The following MYO7B variants were observed in gnomAD, a reference collection of about 807,000 sequenced individuals.
MYO7B encodes unconventional myosin-VIIb.
MYO7B carries 212 observed loss-of-function variants against 259.7 expected under a neutral mutation model. That is an observed-to-expected ratio of 0.82 (90% CI 0.73 to 0.91). The LOEUF (loss-of-function observed/expected upper bound fraction) is 0.91. Ranked by LOEUF, MYO7B falls within the 40% of genes least tolerant of loss-of-function variation. MYO7B has a pLI of 0.00. For synonymous variants in MYO7B, 1,197 were observed against 1,166.4 expected, an observed-to-expected ratio of 1.03 and a Z score of -0.54; for missense variants, 2,732 against 2,813.5, an observed-to-expected ratio of 0.97 and a Z score of 0.66.
chr2:127,626,852 T>C (rs1251630989), intron 31 of MYO7B, 123 bp from the exon 32 acceptor site: 1 of 891,252 alleles, frequency 1.1e-6, no homozygotes, highest in Non-Finnish European at 1.7e-6. Context: ...AGGATCCATC[T>C]CCAGACACTG....
intron 26 of MYO7B, among the ~76,000 whole-genome samples, chr2:127,612,826 T>C (rs1044735844): frequency 6.6e-6 from 1 of 152,226 alleles, no homozygotes; most frequent in African/African-American, 2.4e-5. Context: ...AAAAGAGTCA[T>C]CATGGACCAG....
At chr2:127,605,239 T>G (rs1481438659) in intron 19 of MYO7B, among the ~76,000 whole-genome samples, 2 of 152,160 alleles carry the variant, frequency 1.3e-5, no homozygotes, top group Non-Finnish European at 2.9e-5. Flanking sequence ...GGAAGTAAGT[T>G]TTATCCTTTT....
chr2:127,624,405 C>A, intron 30 of MYO7B, 85 bp downstream of exon 30: 1 of 1,286,874 alleles, frequency 7.8e-7, no homozygotes, highest in Non-Finnish European at 1.1e-6. Flanking sequence ...GCTTCTGAGG[C>A]CAGGTAGAAG....
rs772011705 is a variant in MYO7B at position 127,631,177 on chromosome 2, A to G, written c.4938-29A>G. 6 of 1,566,790 alleles carry G rather than the reference A, an allele frequency of 3.8e-6. No homozygotes were observed. In the African/African-American group the frequency reaches 6.7e-5, roughly 18 times the overall value. Reference sequence around the variant, plus strand: ...CGTGGGACAGAGAAGGCCACAGGGCAGGCCTCACACCAGCCTCTAACCTCA... The same window carrying G: ...CGTGGGACAGAGAAGGCCACAGGGCGGGCCTCACACCAGCCTCTAACCTCA... On this transcript the variant is annotated intron_variant, in intron 36 of 47. Transcript: ENST00000409816.
chr2:127,629,462 C>T (rs1366036697), intron 34 of MYO7B, among the ~76,000 whole-genome samples, 183 bp from the exon 35 acceptor site: 1 of 152,184 alleles, frequency 6.6e-6, no homozygotes, highest in African/African-American at 2.4e-5. Flanking sequence ...TGTGCAGCTG[C>T]AGCAGGTGAC....
chr2:127,565,475 C>T, intron 4 of MYO7B, 90 bp downstream of exon 4: 2 of 1,500,690 alleles, frequency 1.3e-6, no homozygotes, highest in Non-Finnish European at 9.1e-7. Context: ...ACAGGGGGCA[C>T]TGCCCCCCAT....
At chr2:127,620,496 AG>A in intron 27 of MYO7B, 30 bp downstream of exon 27, 3 of 519,426 alleles carry the variant, frequency 5.8e-6, no homozygotes, top group Non-Finnish European at 7.0e-6. Context: ...GAGGGCGGGC[AG>A]GGGGCAGGTT....
chr2:127,592,690 A>T, intron 16 of MYO7B, 104 bp from the exon 17 acceptor site: 7 of 1,463,346 alleles, frequency 4.8e-6, no homozygotes, highest in Non-Finnish European at 5.5e-6. Context: ...GGCTGGACAC[A>T]CTGACCTCTG....
Position 127,588,380 on chromosome 2 carries a change from G to A in MYO7B, c.1691-12G>A, listed in dbSNP as rs747051365. 6.2e-5 allele frequency: 100 copies of A among 1,611,766 alleles called. No homozygotes were observed. The highest frequency in any genetic ancestry group is 3.6e-5 in the Non-Finnish European group (42 of 1,179,434). ...TAAGCTGGGATGCTGGGTGGGCCCT[G>A]TGTCTCCACAGGCTTCCTGGAGAAG... On this transcript the variant is annotated splice_polypyrimidine_tract_variant and intron_variant, in intron 14 of 47. Transcript: ENST00000409816.
At chr2:127,578,544 C>T (rs1678976729) in intron 9 of MYO7B, among the ~76,000 whole-genome samples, 1 of 152,170 alleles carries the variant, frequency 6.6e-6, no homozygotes, top group East Asian at 1.9e-4. Flanking sequence ...GGGCTTCCCC[C>T]TTAAGGTTCA....
At chr2:127,556,969 A>G (rs1282175443) in intron 1 of MYO7B, among the ~76,000 whole-genome samples, 1 of 152,200 alleles carries the variant, frequency 6.6e-6, no homozygotes, top group African/African-American at 2.4e-5. Flanking sequence ...TTCTTCCCCA[A>G]AAAATGTGTT....
Position 127,615,889 on chromosome 2 carries a change from C to T in MYO7B, c.3398+3286C>T, listed in dbSNP as rs1205831074. ...CAGCTGGTACTGGGGGAACCAGGCC[C>T]GTGGTTGGGATCCACAGGTCCCTCC... On this transcript the variant is annotated intron_variant, in intron 26 of 47. Transcript: ENST00000409816. The surrounding 1 kb of genome is among the most constrained non-coding windows in gnomAD (Gnocchi z 4.4). Among the ~76,000 whole-genome samples, 1 of 152,218 alleles carries T rather than the reference C, an allele frequency of 6.6e-6. No individual in the cohort carries two copies. Among genetic ancestry groups the T allele is most frequent in the Non-Finnish European group, 1.5e-5 (1 of 68,046 alleles).
chr2:127,553,859 A>G (rs1693541804), intron 1 of MYO7B, among the ~76,000 whole-genome samples: 1 of 152,112 alleles, frequency 6.6e-6, no homozygotes, highest in Admixed American at 6.6e-5. Flanking sequence ...AATGCTTTCA[A>G]CTTTTCCCCA....
At position 127,628,488 on chromosome 2, in the gene MYO7B, A is replaced by C. The variant is rs1339237216; in HGVS notation, c.4577A>C (p.Lys1526Thr). 1 of 1,491,626 alleles carries C rather than the reference A, an allele frequency of 6.7e-7. No individual in the cohort carries two copies. Among genetic ancestry groups the C allele is most frequent in the South Asian group, 1.2e-5 (1 of 83,604 alleles). 92.4% of individuals were successfully genotyped at this position (1,491,626 alleles called of 1,614,324 possible). A position where few individuals can be genotyped will look rare whatever the true frequency, so the allele number is the denominator to read the frequency against. Reference protein sequence around the residue: ...ELVALFLEGLKERSIFAMALQ... With the variant: ...ELVALFLEGLTERSIFAMALQ... ...GTGGCCCTGTTCCTGGAGGGCCTGA[A>C]GGAGAGGTCCATTTTCGCCATGGCC... The change falls in exon 34 of 48, where the codon AAG becomes ACG. Residue 1526 changes from lysine to threonine, a missense_variant. By Grantham distance (78) the Lys-to-Thr change is moderately conservative (BLOSUM62 -1). Transcript: ENST00000409816. The surrounding 1 kb of genome is among the most constrained non-coding windows in gnomAD (Gnocchi z 4.8).
Position 127,634,586 on chromosome 2 carries a change from C to T in MYO7B, c.5626-10C>T. ...GCCACCCAACTTCCCTGTACCTTCC[C>T]CTTCCCCAGGTCATCAGCCAGAAGG... On this transcript the variant is annotated splice_polypyrimidine_tract_variant and intron_variant, in intron 41 of 47. Transcript: ENST00000409816. 6.2e-7 allele frequency: 1 copy of T among 1,608,548 alleles called. No homozygotes were observed. Among genetic ancestry groups the T allele is most frequent in the Non-Finnish European group, 8.5e-7 (1 of 1,177,448 alleles).
rs1429246884 is a variant in MYO7B at position 127,539,813 on chromosome 2, CT to C, written c.-24+3986del. 6.6e-6 allele frequency among the ~76,000 whole-genome samples: 1 copy of C among 152,172 alleles called. No homozygotes were observed. Among genetic ancestry groups the C allele is most frequent in the Non-Finnish European group, 1.5e-5 (1 of 68,032 alleles). On this transcript the variant is annotated intron_variant, in intron 1 of 47. Coordinates refer to ENST00000409816, the MANE Select transcript of MYO7B (RefSeq NM_001393586.1). The surrounding 1 kb of genome is among the most constrained non-coding windows in gnomAD (Gnocchi z 4.0). ...GTGTACACTGCACCCAATGTGTAGT[CT>C]TTTGTTGCTCACCCAGCTCCAGCCT...
At chr2:127,635,273 C>A in intron 43 of MYO7B, 47 bp downstream of exon 43, 1 of 1,530,570 alleles carries the variant, frequency 6.5e-7, no homozygotes, top group Non-Finnish European at 9.0e-7. Flanking sequence ...CCCCCATCTT[C>A]CCACACCTGT....
At position 127,582,290 on chromosome 2, in the gene MYO7B, C is replaced by G. The variant is rs1188576581; in HGVS notation, c.1201-14C>G. ...CTCCAAGCCCAGGATTCTCCCACCCCCGTGTCTCTCCAGGGCATCTATGGG... is the reference window on the plus strand; with the variant it reads ...CTCCAAGCCCAGGATTCTCCCACCCGCGTGTCTCTCCAGGGCATCTATGGG... On this transcript the variant is annotated splice_polypyrimidine_tract_variant and intron_variant, in intron 11 of 47. Coordinates refer to ENST00000409816, the MANE Select transcript of MYO7B (RefSeq NM_001393586.1). 1 of 1,612,078 alleles carries G rather than the reference C, an allele frequency of 6.2e-7. No individual in the cohort carries two copies. The highest frequency in any genetic ancestry group is 2.2e-5 in the East Asian group (1 of 44,832).
In MYO7B at chr2:127,635,703, C is replaced by T; in HGVS notation, c.5821-19C>T. The T allele has an allele frequency of 1.9e-6, 3 of 1,588,740 alleles. No homozygotes were observed. The highest frequency in any genetic ancestry group is 2.6e-6 in the Non-Finnish European group (3 of 1,167,768). ...GCCGCAGCTGGAGACCCAGCATGCCCAGTGTGTCCATCACCCAGGAGCTGC... is the reference window on the plus strand; with the variant it reads ...GCCGCAGCTGGAGACCCAGCATGCCTAGTGTGTCCATCACCCAGGAGCTGC... On this transcript the variant is annotated intron_variant, in intron 43 of 47. Transcript: ENST00000409816.
Sources: gnomAD v4.1 joint callset for allele counts (sites outside exome capture counted in the v4.1 genomes callset) on GRCh38, gnomAD v4.1.1 for gene constraint, Gnocchi (gnomAD v3.1) non-coding constraint, MANE v1.5 for transcripts, NCBI Gene and HGNC (gene_info 2026-07-23, HGNC 2026-07-21) for gene names.